SYNE2: variants seen among roughly 807,000 people sequenced by gnomAD.
SYNE2 encodes the protein nesprin-2.
A neutral mutation model predicts 856.3 loss-of-function variants in SYNE2; 431 were observed. That is an observed-to-expected ratio of 0.50 (90% CI 0.47 to 0.55). The LOEUF (loss-of-function observed/expected upper bound fraction) is 0.55, where lower values mean the gene tolerates loss of function less well. SYNE2 is among the 20% of genes least tolerant of loss of function. The pLI is 0.00. For synonymous variants in SYNE2, 2,923 were observed against 2,872.3 expected (o/e 1.02, Z -0.56); for missense variants, 8,129 against 8,023.2 (o/e 1.01, Z -0.50).
intron 96 of SYNE2, among the ~76,000 whole-genome samples, chr14:64,183,488 G>C (rs530332190): frequency 1.3e-5 from 2 of 152,282 alleles, no homozygotes; most frequent in East Asian, 3.9e-4. Flanking sequence ...GCCAGGCAGA[G>C]ACGCTCCTCA....
At chr14:64,061,840 T>A (rs1025370870) in intron 49 of SYNE2, among the ~76,000 whole-genome samples, 1 of 152,226 alleles carries the variant, frequency 6.6e-6, no homozygotes, top group Non-Finnish European at 1.5e-5. Context: ...CTTTATGGTC[T>A]GTCCCCCACC....
chr14:64,140,594 C>G (rs1385595539), intron 80 of SYNE2, among the ~76,000 whole-genome samples: 1 of 152,120 alleles, frequency 6.6e-6, no homozygotes, highest in Non-Finnish European at 1.5e-5. Flanking sequence ...AAAAAACTTG[C>G]ACTGACATAG....
At chr14:63,956,274 T>TA (rs2096240831) in intron 8 of SYNE2, among the ~76,000 whole-genome samples, 1 of 152,136 alleles carries the variant, frequency 6.6e-6, no homozygotes, top group Non-Finnish European at 1.5e-5. Flanking sequence ...ATCATACAGA[T>TA]ACAATAGACA....
At chr14:64,149,971 G>A (rs572590105) in intron 84 of SYNE2, among the ~76,000 whole-genome samples, 7 of 147,434 alleles carry the variant, frequency 4.7e-5, no homozygotes, top group African/African-American at 1.7e-4. Flanking sequence ...GTGGTTGTTC[G>A]TGTGCTGCTA....
chr14:64,214,236 A>C lies in SYNE2; in HGVS notation c.19099A>C (p.Met6367Leu). Residue 6367 changes from methionine (M) to leucine (L), a missense_variant, in exon 106 of 116, where the codon ATG becomes CTG. This residue lies in a region of SYNE2 where 5,410 missense variants were observed against 5,284.8 expected (regional missense o/e 1.02). Transcript: ENST00000555002. The part of the protein sequence containing the change: ...EKEASENETD[M>L]EDPREIQTDS... Reference sequence around the variant, plus strand: ...GGAGGCCTCTGAGAATGAAACAGACATGGAAGACCCCAGAGAAATCCAGAC... The same window carrying C: ...GGAGGCCTCTGAGAATGAAACAGACCTGGAAGACCCCAGAGAAATCCAGAC... 1 of 1,614,134 alleles carries C rather than the reference A, an allele frequency of 6.2e-7. No individual in the cohort carries two copies. Among genetic ancestry groups the C allele is most frequent in the Non-Finnish European group, 8.5e-7 (1 of 1,180,022 alleles).
chr14:63,945,126 T>A (rs28441310), intron 6 of SYNE2, among the ~76,000 whole-genome samples: 26,552 of 125,678 alleles, frequency 0.21, 2,995 homozygotes, highest in African/African-American at 0.32. Flanking sequence ...TTTTTTTTTT[T>A]AATTAAAAAA....
At chr14:63,995,012 TG>T in intron 22 of SYNE2, 31 bp from the exon 23 acceptor site, 1 of 1,387,286 alleles carries the variant, frequency 7.2e-7, no homozygotes, top group Non-Finnish European at 1.0e-6. Flanking sequence ...TTTGTTCTCA[TG>T]GTTAATATAT....
intron 10 of SYNE2, among the ~76,000 whole-genome samples, chr14:63,965,446 C>A (rs565393849): frequency 1.3e-5 from 2 of 152,282 alleles, no homozygotes; most frequent in South Asian, 4.2e-4. Context: ...TAAAGCCCAG[C>A]TGTTTTTACG....
intron 66 of SYNE2, among the ~76,000 whole-genome samples, chr14:64,116,400 C>G (rs1370735171): frequency 6.6e-6 from 1 of 152,070 alleles, no homozygotes; most frequent in South Asian, 2.1e-4. Flanking sequence ...ATAAGCTGTT[C>G]ATCTTCTTTG....
chr14:64,209,683 T>C, intron 102 of SYNE2, 105 bp downstream of exon 102: 1 of 1,509,158 alleles, frequency 6.6e-7, no homozygotes, highest in South Asian at 1.2e-5. Context: ...CCCTCACCTC[T>C]GGCAAGGGCT....
Position 64,174,995 on chromosome 14 carries a change from G to C in SYNE2, c.17287G>C (p.Glu5763Gln). ...RRRTTCALTL[E>Q]AGEKLLLTTD... Reference sequence around the variant, plus strand: ...GCGAACTACCTGTGCCCTAACCTTGGAAGCTGGAGAAAAGTTACTGCTCAC... The same window carrying C: ...GCGAACTACCTGTGCCCTAACCTTGCAAGCTGGAGAAAAGTTACTGCTCAC... Residue 5763 changes from glutamate to glutamine, a missense_variant, in exon 95 of 116, where the codon GAA becomes CAA. By Grantham distance (29) the Glu-to-Gln change is conservative (BLOSUM62 2). Transcript: ENST00000555002. 1 of 1,614,090 alleles carries C rather than the reference G, an allele frequency of 6.2e-7. No individual in the cohort carries two copies. The highest frequency in any genetic ancestry group is 8.5e-7 in the Non-Finnish European group (1 of 1,180,012).
Position 64,025,355 on chromosome 14 carries a change from G to A in SYNE2, c.6186G>A (p.Glu2062=). 6.2e-7 allele frequency: 1 copy of A among 1,613,952 alleles called. No homozygotes were observed. Among genetic ancestry groups the A allele is most frequent in the Non-Finnish European group, 8.5e-7 (1 of 1,179,972 alleles). ...DVIHWIKEIK[E]SLMVLNSSEG... ...TTCATTGGATAAAAGAGATTAAAGAGTCCCTTATGGTTTTGAATTCATCCG... is the reference window on the plus strand; with the variant it reads ...TTCATTGGATAAAAGAGATTAAAGAATCCCTTATGGTTTTGAATTCATCCG... The change falls in exon 41 of 116, where the codon GAG becomes GAA. Residue 2062 remains glutamate, a synonymous_variant. Coordinates refer to ENST00000555002, the MANE Select transcript of SYNE2 (RefSeq NM_182914.3).
chr14:64,074,280 G>T, intron 53 of SYNE2, 144 bp downstream of exon 53: 2 of 815,984 alleles, frequency 2.5e-6, no homozygotes, highest in Admixed American at 1.9e-5. Flanking sequence ...AGGCCCTGTG[G>T]CATGGTATGG....
At chr14:63,849,605 G>A (rs1229126432), upstream of SYNE2, among the ~76,000 whole-genome samples, 2 of 152,138 alleles carry the variant, frequency 1.3e-5, no homozygotes, top group South Asian at 2.1e-4. Context: ...ACTGGAATTA[G>A]CTCCTAAGAT....
intron 1 of SYNE2, among the ~76,000 whole-genome samples, chr14:63,814,031 C>G (rs1262070589): frequency 1.3e-5 from 2 of 151,856 alleles, no homozygotes; most frequent in Non-Finnish European, 2.9e-5. Context: ...GCACTCCAGC[C>G]TGGGCAACAC....
chr14:64,140,203 C>G, intron 80 of SYNE2, 130 bp downstream of exon 80: 1 of 839,824 alleles, frequency 1.2e-6, no homozygotes, highest in Non-Finnish European at 2.0e-6. Context: ...CGAATGGCAG[C>G]TGTGTTCTTC....
rs746837157 is a variant in SYNE2, at chr14:64,048,015, A to G, written c.7237A>G (p.Met2413Val). 7 of 1,613,820 alleles carry G rather than the reference A, an allele frequency of 4.3e-6. No individual in the cohort carries two copies. The East Asian group carries it at 1.3e-4, about 31-fold the overall frequency. ...TGTATTTCAGGATTCAGCTGTGGAA[A>G]TGGCTATGTCAAAACAACTTTCTCT... is the stretch of plus-strand genomic sequence containing the variant. ...WEINKDSAVEMAMSKQLSLNA... is the reference protein window; with the variant it reads ...WEINKDSAVEVAMSKQLSLNA... Residue 2413 changes from methionine (M) to valine (V), a missense_variant, in exon 46 of 116, where the codon ATG becomes GTG. This residue lies in a region of SYNE2 where 5,410 missense variants were observed against 5,284.8 expected (regional missense o/e 1.02). Coordinates refer to ENST00000555002, the MANE Select transcript of SYNE2 (RefSeq NM_182914.3).
chr14:63,982,379 A>C (rs182459897), intron 16 of SYNE2, among the ~76,000 whole-genome samples: 38 of 152,258 alleles, frequency 2.5e-4, no homozygotes, highest in African/African-American at 8.7e-4. Context: ...GAGCTAGACC[A>C]ACAGGGATGG....
chr14:64,070,450 A>G (rs1346918377), intron 51 of SYNE2, among the ~76,000 whole-genome samples, 195 bp from the exon 52 acceptor site: 1 of 152,222 alleles, frequency 6.6e-6, no homozygotes, highest in Non-Finnish European at 1.5e-5. Flanking sequence ...TCAGTCACAC[A>G]TCTACATGAG....
Sources: gnomAD v4.1 joint callset for allele counts (sites outside exome capture counted in the v4.1 genomes callset) on GRCh38, gnomAD v4.1.1 for gene constraint, gnomAD v4.1.1 regional missense constraint, MANE v1.5 for transcripts, NCBI Gene and HGNC (gene_info 2026-07-23, HGNC 2026-07-21) for gene names.